The following SDK1 variants were observed in gnomAD, a reference collection of about 807,000 sequenced individuals.
The protein encoded by SDK1 is sidekick cell adhesion molecule 1.
Under a neutral mutation model 245.5 loss-of-function variants are expected in SDK1, and 157 were observed. The observed-to-expected ratio is 0.64, with a 90% CI of 0.56 to 0.73. SDK1 has a LOEUF of 0.73. Among genes scored for constraint, SDK1 ranks in the 30% least tolerant of loss-of-function variants. The probability of loss-of-function intolerance (pLI) is 0.00; values close to 1 mark genes in which losing one functional copy is unlikely to be tolerated. For missense variants in SDK1, 3,583 were observed against 3,002.3 expected (o/e 1.19, Z -4.52); for synonymous variants, 1,647 against 1,278.5 (o/e 1.29, Z -6.15).
At chr7:3,477,394 C>A (rs1427279525) in intron 1 of SDK1, among the ~76,000 whole-genome samples, 1 of 151,256 alleles carries the variant, frequency 6.6e-6, no homozygotes, top group South Asian at 2.1e-4. Context: ...TGGGGTTTCA[C>A]CTTGTTGGCC....
intron 31 of SDK1, among the ~76,000 whole-genome samples, chr7:4,160,934 G>C (rs981941624): frequency 1.3e-5 from 2 of 152,228 alleles, no homozygotes; most frequent in South Asian, 2.1e-4. Flanking sequence ...TGGGTTCTAA[G>C]TGGAGAGGCA....
chr7:3,551,058 C>T (rs1338628634), intron 1 of SDK1, among the ~76,000 whole-genome samples: 1 of 152,270 alleles, frequency 6.6e-6, no homozygotes, highest in South Asian at 2.1e-4. Context: ...TATTTAAGGA[C>T]CTAACCTACT....
At chr7:3,784,735 A>G (rs1362131250) in intron 4 of SDK1, among the ~76,000 whole-genome samples, 1 of 152,250 alleles carries the variant, frequency 6.6e-6, no homozygotes, top group East Asian at 1.9e-4. Flanking sequence ...GATGTGAAGG[A>G]AAGGGAACCC....
At chr7:3,628,751 C>G (rs1189451152) in intron 2 of SDK1, among the ~76,000 whole-genome samples, 3 of 152,016 alleles carry the variant, frequency 2.0e-5, no homozygotes, top group African/African-American at 7.3e-5. Flanking sequence ...TAAAACTGGA[C>G]AAAAATATGA....
intron 4 of SDK1, among the ~76,000 whole-genome samples, chr7:3,788,955 G>A (rs1780995975): frequency 6.6e-6 from 1 of 152,176 alleles, no homozygotes; most frequent in Non-Finnish European, 1.5e-5. Flanking sequence ...TGTTTACGGG[G>A]GCTCCCCTCT....
chr7:4,243,019 C>T (rs372650164), intron 43 of SDK1, among the ~76,000 whole-genome samples: 2 of 152,242 alleles, frequency 1.3e-5, no homozygotes, highest in East Asian at 1.9e-4. Context: ...CATCTGGTCA[C>T]ACCTTTCATT....
chr7:3,616,147 A>C (rs1781765565), intron 1 of SDK1, among the ~76,000 whole-genome samples: 1 of 152,146 alleles, frequency 6.6e-6, no homozygotes, highest in Admixed American at 6.5e-5. Flanking sequence ...CAGCCTCCCA[A>C]AGTGTTGGGA....
intron 2 of SDK1, among the ~76,000 whole-genome samples, chr7:3,630,318 CTG>C (rs1782250922): frequency 6.6e-6 from 1 of 152,124 alleles, no homozygotes; most frequent in Non-Finnish European, 1.5e-5. Flanking sequence ...AGAAGTAAAA[CTG>C]TATTTTCAAG....
Position 4,158,639 on chromosome 7 carries a change from AGG to A in SDK1, c.4729+91_4729+92del, listed in dbSNP as rs1780922366. The A allele has an allele frequency of 3.4e-6, 3 of 872,488 alleles. No homozygotes were observed. In the Admixed American group the frequency reaches 5.8e-5, roughly 17 times the overall value. 54.0% of individuals were successfully genotyped at this position (872,488 alleles called of 1,614,324 possible). On this transcript the variant is annotated intron_variant, in intron 31 of 44. Coordinates refer to ENST00000404826, the MANE Select transcript of SDK1 (RefSeq NM_152744.4). ...GCCACACTTTCGTCTTGAGCCAGAA[AGG>A]GGCCACCAGGGAGTGGTGGAAAGCA...
intron 1 of SDK1, among the ~76,000 whole-genome samples, chr7:3,358,125 G>A (rs1219743658): frequency 3.3e-5 from 5 of 152,036 alleles, no homozygotes; most frequent in South Asian, 4.1e-4. Context: ...GGATTCCAGC[G>A]ATTCTCCTGC....
intron 22 of SDK1, among the ~76,000 whole-genome samples, chr7:4,083,372 C>T (rs1014804551): frequency 2.6e-5 from 4 of 152,054 alleles, no homozygotes; most frequent in East Asian, 3.9e-4. Context: ...GCAGTTGCCT[C>T]GTTGAGAAAA....
chr7:3,434,946 G>A (rs983957032), intron 1 of SDK1, among the ~76,000 whole-genome samples: 21 of 152,124 alleles, frequency 1.4e-4, no homozygotes, highest in Non-Finnish European at 1.5e-5. Flanking sequence ...TTTTCTAGAG[G>A]AAAGATGATG....
At chr7:3,717,909 G>A (rs1785248389) in intron 4 of SDK1, among the ~76,000 whole-genome samples, 1 of 151,546 alleles carries the variant, frequency 6.6e-6, no homozygotes, top group African/African-American at 2.4e-5. Context: ...CCCAATTCAT[G>A]TTGTGAGGCC....
chr7:3,481,786 G>A (rs1351561463), intron 1 of SDK1, among the ~76,000 whole-genome samples: 6 of 152,160 alleles, frequency 3.9e-5, no homozygotes, highest in Non-Finnish European at 8.8e-5. Context: ...CCAGGGCATG[G>A]CATTATTTGG....
intron 5 of SDK1, among the ~76,000 whole-genome samples, chr7:3,891,821 T>C (rs755234139): frequency 2.0e-5 from 3 of 152,200 alleles, no homozygotes; most frequent in Non-Finnish European, 4.4e-5. Context: ...GGTGAGAAAT[T>C]GCTTCACTTT....
At chr7:3,908,237 C>T (rs974360787) in intron 5 of SDK1, among the ~76,000 whole-genome samples, 1 of 152,142 alleles carries the variant, frequency 6.6e-6, no homozygotes, top group African/African-American at 2.4e-5. Context: ...TCACTTTGCG[C>T]GTTGGGCTGC....
In SDK1 at chr7:4,012,109, A is replaced by C; in HGVS notation, c.2294A>C (p.Glu765Ala). The change falls in exon 16 of 45, where the codon GAA (glutamate) becomes GCA (alanine). Residue 765 changes from glutamate (E) to alanine (A), a missense_variant. Coordinates refer to ENST00000404826, the MANE Select transcript of SDK1 (RefSeq NM_152744.4). ...SAETSRLMLP[E>A]EPPSAPPKNI... ...TTTATTTATAGGTTGATGCTACCTG[A>C]AGAACCACCCAGTGCTCCCCCGAAA... is the stretch of plus-strand genomic sequence containing the variant. 1 of 1,556,742 alleles carries C rather than the reference A, an allele frequency of 6.4e-7. No homozygotes were observed. The highest frequency in any genetic ancestry group is 8.7e-7 in the Non-Finnish European group (1 of 1,152,990).
At chr7:3,495,780 G>C (rs1005224248) in intron 1 of SDK1, among the ~76,000 whole-genome samples, 2 of 152,210 alleles carry the variant, frequency 1.3e-5, no homozygotes, top group Non-Finnish European at 2.9e-5. Context: ...CGTGGACCCA[G>C]TTCTACCACA....
chr7:4,113,417 C>G lies in SDK1; in HGVS notation c.3563C>G (p.Thr1188Ser), dbSNP rs949421596. The G allele has an allele frequency of 1.2e-6, 2 of 1,613,934 alleles. No homozygotes were observed. Among genetic ancestry groups the G allele is most frequent in the Non-Finnish European group, 1.7e-6 (2 of 1,180,040 alleles). Residue 1188 changes from threonine (T) to serine (S), a missense_variant, in exon 24 of 45, where the codon ACC becomes AGC. Thr to Ser is a moderately conservative substitution (Grantham distance 58, BLOSUM62 1). Transcript: ENST00000404826. ...GTCACGGTCCGTACTGCCAGTGAGACCAGCCTGCGGCTTCGCTGGGTGGTG... is the reference window on the plus strand; with the variant it reads ...GTCACGGTCCGTACTGCCAGTGAGAGCAGCCTGCGGCTTCGCTGGGTGGTG... ...TSVTVRTASE[T>S]SLRLRWVPLP...
Sources: allele counts gnomAD v4.1 joint callset (sites outside exome capture counted in the v4.1 genomes callset), GRCh38; gene constraint gnomAD v4.1.1; transcripts MANE v1.5; gene names NCBI Gene and HGNC (gene_info 2026-07-23, HGNC 2026-07-21).